The following COL27A1 variants were observed in gnomAD, a reference collection of about 807,000 sequenced individuals.
COL27A1 encodes collagen alpha-1(XXVII) chain.
COL27A1 carries 106 observed loss-of-function variants against 251.3 expected under a neutral mutation model. The ratio of observed to expected loss-of-function variants is 0.42; its 90% CI spans 0.36 to 0.50. The LOEUF (loss-of-function observed/expected upper bound fraction) is 0.50. COL27A1 is among the 20% of genes least tolerant of loss of function. The pLI, the probability that COL27A1 is intolerant of heterozygous loss-of-function variation, is 0.00. For synonymous variants in COL27A1, 1,000 were observed against 986.3 expected (o/e 1.01, Z -0.26); for missense variants, 2,325 against 2,522.8 (o/e 0.92, Z 1.68).
At chr9:114,165,745 A>C (rs1186601123) in intron 2 of COL27A1, among the ~76,000 whole-genome samples, 1 of 149,496 alleles carries the variant, frequency 6.7e-6, no homozygotes, top group Non-Finnish European at 1.5e-5. Flanking sequence ...TCCATTATAC[A>C]TCCATCCATC....
intron 37 of COL27A1, among the ~76,000 whole-genome samples, chr9:114,278,309 T>C (rs62555436): frequency 0.14 from 14,614 of 106,696 alleles, 940 homozygotes; most frequent in African/African-American, 0.18. Context: ...GTGGTGGTAG[T>C]GGTGACTGTG....
chr9:114,156,619 AAG>A (rs2134981963), intron 1 of COL27A1, among the ~76,000 whole-genome samples: 1 of 151,840 alleles, frequency 6.6e-6, no homozygotes, highest in Non-Finnish European at 1.5e-5. Context: ...TCACGTGTGT[AAG>A]AGAGAAAAAG....
At chr9:114,239,747 C>T (rs954317424) in intron 19 of COL27A1, among the ~76,000 whole-genome samples, 3 of 152,212 alleles carry the variant, frequency 2.0e-5, no homozygotes, top group Non-Finnish European at 4.4e-5. Context: ...CTTAAGCTTA[C>T]GATGACTGGA....
intron 1 of COL27A1, among the ~76,000 whole-genome samples, chr9:114,160,845 G>A (rs1848451467): frequency 6.6e-6 from 1 of 152,222 alleles, no homozygotes; most frequent in Non-Finnish European, 1.5e-5. Flanking sequence ...GGGATCTAAT[G>A]GATGTGTAGG....
chr9:114,215,458 A>G (rs1156559939), intron 12 of COL27A1, among the ~76,000 whole-genome samples: 3 of 152,082 alleles, frequency 2.0e-5, no homozygotes, highest in Admixed American at 1.3e-4. Context: ...CCTGGAGAGA[A>G]CTCTGCCTTC....
chr9:114,271,631 C>T (rs1835153072), intron 36 of COL27A1: 1 of 152,406 alleles, frequency 6.6e-6, no homozygotes, highest in African/African-American at 2.4e-5. Flanking sequence ...GCACCTCCCT[C>T]TGACTCTCCA....
chr9:114,232,328 A>G (rs1194324494), intron 16 of COL27A1, among the ~76,000 whole-genome samples: 1 of 152,166 alleles, frequency 6.6e-6, no homozygotes, highest in Non-Finnish European at 1.5e-5. Context: ...TCCTGCTGCC[A>G]TGGGGGTGGC....
rs145163028 is a variant in COL27A1, at chr9:114,257,954, T to C, written c.3142-587T>C. On this transcript the variant is annotated intron_variant, in intron 27 of 60. Coordinates refer to ENST00000356083, the MANE Select transcript of COL27A1 (RefSeq NM_032888.4). ...GGCTCACACCTGTAATCCCAGCAAT[T>C]TGGGAGGCTGAGGCAGGAGGATCAC... Among the ~76,000 whole-genome samples the C allele has an allele frequency of 2.5e-3, 383 of 152,220 alleles. 1 individual carries two copies. Among genetic ancestry groups the C allele is most frequent in the Middle Eastern group, 0.01 (3 of 294 alleles).
At chr9:114,264,895 C>G in intron 29 of COL27A1, 29 bp from the exon 30 acceptor site, 3 of 1,604,942 alleles carry the variant, frequency 1.9e-6, no homozygotes, top group Non-Finnish European at 2.6e-6. Context: ...AGCACCCTCT[C>G]CCACCTTCAC....
Position 114,173,168 on chromosome 9 carries a change from G to GCA in COL27A1, c.1908+3705_1908+3706insCA, listed in dbSNP as rs1564427008. The stretch of plus-strand genomic sequence containing the variant: ...GGGTGAGTTGGGGCGGGGAGGCCGT[G>GCA]GTTCACAGCCCTGCACAGAAGCTGC... On this transcript the variant is annotated intron_variant, in intron 3 of 60. Coordinates refer to ENST00000356083, the MANE Select transcript of COL27A1 (RefSeq NM_032888.4). 2.0e-5 allele frequency among the ~76,000 whole-genome samples: 3 copies of GCA among 152,250 alleles called. No individual in the cohort carries two copies. In the East Asian group the frequency reaches 5.8e-4, roughly 29 times the overall value.
chr9:114,167,780 C>A lies in COL27A1; in HGVS notation c.225C>A (p.Ile75=), dbSNP rs778369339. ...TCATTCCTTTCCAGTCGGGCTTCAT[C>A]TTTACGCAGCGGGCCCGGCTCCAGG... ...PGVIPFQSGF[I]FTQRARLQAP... Residue 75 remains isoleucine (I), a synonymous_variant, in exon 3 of 61, where the codon ATC becomes ATA. Coordinates refer to ENST00000356083, the MANE Select transcript of COL27A1 (RefSeq NM_032888.4). 1 of 1,613,728 alleles carries A rather than the reference C, an allele frequency of 6.2e-7. No homozygotes were observed. The highest frequency in any genetic ancestry group is 8.5e-7 in the Non-Finnish European group (1 of 1,180,024).
rs1481273116 is a variant in COL27A1 at position 114,156,002 on chromosome 9, G to C, written c.52G>C (p.Ala18Pro). 1 of 1,296,660 alleles carries C rather than the reference G, an allele frequency of 7.7e-7. No homozygotes were observed. Among genetic ancestry groups the C allele is most frequent in the African/African-American group, 1.5e-5 (1 of 66,022 alleles). The allele number at this position is 1,296,660 out of a possible 1,614,324, so 80.3% of individuals were successfully genotyped here. ...CCGAGGCACAGCGGCGGCGGCGGCG[G>C]CGCGCGGGGGGTGAGTACGAACTCG... is the stretch of plus-strand genomic sequence containing the variant. The part of the protein sequence containing the change: ...GARGTAAAAA[A>P]RGGGFLFSWI... Residue 18 changes from alanine to proline, a missense_variant, in exon 1 of 61, where the codon GCG (alanine) becomes CCG (proline). This residue lies in a region of COL27A1 where 1,183 missense variants were observed against 1,144.1 expected (regional missense o/e 1.03). Transcript: ENST00000356083.
chr9:114,296,792 G>GA (rs565126457), intron 49 of COL27A1, among the ~76,000 whole-genome samples: 176 of 152,118 alleles, frequency 1.2e-3, no homozygotes, highest in African/African-American at 3.7e-3. Context: ...GCCCCAAATT[G>GA]AAAAAAACCT....
chr9:114,269,674 A>G (rs1371072067), intron 35 of COL27A1, among the ~76,000 whole-genome samples: 1 of 150,364 alleles, frequency 6.7e-6, no homozygotes, highest in Non-Finnish European at 1.5e-5. Context: ...GAGTCTCGGC[A>G]GTAAAGAGAA....
chr9:114,247,335 A>G (rs1052700080), intron 24 of COL27A1, among the ~76,000 whole-genome samples: 4 of 152,156 alleles, frequency 2.6e-5, no homozygotes, highest in African/African-American at 9.7e-5. Context: ...TGGTAGTACT[A>G]CTGTGGTTTG....
chr9:114,237,456 G>A (rs1315784002), intron 18 of COL27A1, among the ~76,000 whole-genome samples: 14 of 152,220 alleles, frequency 9.2e-5, no homozygotes, highest in Admixed American at 5.2e-4. Flanking sequence ...CTAAGATTCC[G>A]AAAGTTGAAG....
At chr9:114,204,613 C>A (rs955672089) in intron 7 of COL27A1, among the ~76,000 whole-genome samples, 2 of 152,100 alleles carry the variant, frequency 1.3e-5, no homozygotes, top group East Asian at 1.9e-4. Context: ...GTGGTCAAGG[C>A]GTGTGATGGG....
At chr9:114,257,799 T>C (rs565202467) in intron 27 of COL27A1, among the ~76,000 whole-genome samples, 1 of 152,234 alleles carries the variant, frequency 6.6e-6, no homozygotes, top group African/African-American at 2.4e-5. Context: ...CAGGAAAATA[T>C]TGGGTGTCAG....
In COL27A1 at chr9:114,209,640, T is replaced by C. The variant is rs112135079; in HGVS notation, c.2269-35T>C. ...GGTTGGGCCAGCCACACCTCACTGC[T>C]TGACCGCTCTGACCCCCTTTCTTCT... On this transcript the variant is annotated intron_variant, in intron 10 of 60. Coordinates refer to ENST00000356083, the MANE Select transcript of COL27A1 (RefSeq NM_032888.4). 15,834 of 1,611,842 alleles carry C rather than the reference T, an allele frequency of 9.8e-3. 343 individuals are homozygous for C. Among genetic ancestry groups the C allele is most frequent in the African/African-American group, 0.085 (6,343 of 74,992 alleles).
Sources: allele counts gnomAD v4.1 joint callset (sites outside exome capture counted in the v4.1 genomes callset), GRCh38; gene constraint gnomAD v4.1.1; regional missense constraint gnomAD v4.1.1; transcripts MANE v1.5; gene names NCBI Gene and HGNC (gene_info 2026-07-23, HGNC 2026-07-21).